Variants in PDCD11 observed in about 807,000 individuals in gnomAD.
The protein encoded by PDCD11 is protein RRP5 homolog.
Under a neutral mutation model 198.9 loss-of-function variants are expected in PDCD11, and 97 were observed. The ratio of observed to expected loss-of-function variants is 0.49; its 90% CI spans 0.41 to 0.58. PDCD11 has a LOEUF of 0.58. Among genes scored for constraint, PDCD11 ranks in the 20% least tolerant of loss-of-function variants. PDCD11 has a pLI of 0.00. For missense variants in PDCD11, 2,102 were observed against 2,312.7 expected, an observed-to-expected ratio of 0.91 and a Z score of 1.87; for synonymous variants, 893 against 918.0, an observed-to-expected ratio of 0.97 and a Z score of 0.49.
At chr10:103,422,953 G>A (rs373172098) in intron 17 of PDCD11, 35 bp from the exon 18 acceptor site, 95 of 1,420,608 alleles carry the variant, frequency 6.7e-5, no homozygotes, top group Non-Finnish European at 8.5e-5. Flanking sequence ...GTTCTTTCAT[G>A]GTACTAATCC....
intron 26 of PDCD11, 53 bp downstream of exon 26, chr10:103,438,124 A>C: frequency 6.9e-7 from 1 of 1,458,714 alleles, no homozygotes; most frequent in Admixed American, 1.7e-5. Context: ...CTCAGGATCA[A>C]GGGGAGGCTA....
At chr10:103,444,459 GT>G in intron 34 of PDCD11, 57 bp from the exon 35 acceptor site, 1 of 1,519,778 alleles carries the variant, frequency 6.6e-7, no homozygotes, top group Non-Finnish European at 9.1e-7. Context: ...GCGGAACACT[GT>G]GTTGTGGTGA....
At chr10:103,440,875 G>A in intron 30 of PDCD11, 25 bp downstream of exon 30, 1 of 1,525,736 alleles carries the variant, frequency 6.6e-7, no homozygotes, top group South Asian at 1.2e-5. Context: ...GCGGGGAGGG[G>A]AAGGCTGCTC....
intron 14 of PDCD11, among the ~76,000 whole-genome samples, chr10:103,418,191 A>G (rs2031219954): frequency 6.6e-6 from 1 of 152,066 alleles, no homozygotes; most frequent in Non-Finnish European, 1.5e-5. Context: ...GCCAGCCTGC[A>G]GTTCTGGCTT....
In PDCD11 at chr10:103,445,630, T is replaced by C. The variant is rs2032578770; in HGVS notation, c.*81T>C. On this transcript the variant is annotated 3_prime_UTR_variant, in exon 36 of 36. Coordinates refer to ENST00000369797, the MANE Select transcript of PDCD11 (RefSeq NM_014976.2). The stretch of plus-strand genomic sequence containing the variant: ...GAGTGCCTGGGCACTCGGAAAACTG[T>C]TACCTCAGGACTCTATTTAAATGCT... 5.1e-6 allele frequency: 6 copies of C among 1,183,940 alleles called. No individual in the cohort carries two copies. The highest frequency in any genetic ancestry group is 7.3e-6 in the Non-Finnish European group (6 of 821,610). 73.3% of individuals were successfully genotyped at this position (1,183,940 alleles called of 1,614,324 possible).
At chr10:103,418,320 A>T in intron 14 of PDCD11, 120 bp from the exon 15 acceptor site, 3 of 791,628 alleles carry the variant, frequency 3.8e-6, no homozygotes, top group East Asian at 2.6e-5. Context: ...GTTTGGAAGA[A>T]AGCTGCCTCT....
At chr10:103,405,898 A>G (rs750247112) in intron 5 of PDCD11, 87 bp from the exon 6 acceptor site, 21 of 1,410,554 alleles carry the variant, frequency 1.5e-5, no homozygotes, top group Admixed American at 1.2e-4. Flanking sequence ...GTGTGAGCTT[A>G]GTGGCAGGAA....
At position 103,439,803 on chromosome 10, in the gene PDCD11, G is replaced by A. The variant is rs1324890608; in HGVS notation, c.4083G>A (p.Pro1361=). 7.4e-6 allele frequency: 12 copies of A among 1,614,034 alleles called. No individual in the cohort carries two copies. The highest frequency in any genetic ancestry group is 6.6e-5 in the South Asian group (6 of 91,080). Residue 1361 remains proline (P), a synonymous_variant, in exon 28 of 36, where the codon CCG becomes CCA. Coordinates refer to ENST00000369797, the MANE Select transcript of PDCD11 (RefSeq NM_014976.2). The part of the protein sequence containing the change: ...ARYSHVSQHS[P]SKKALYNKHL... ...ACTCCCATGTCTCCCAGCACAGCCC[G>A]TCCAAGAAAGCCCTTTATAACAAAC...
intron 19 of PDCD11, among the ~76,000 whole-genome samples, chr10:103,424,347 T>C (rs1182837713): frequency 6.6e-6 from 1 of 152,242 alleles, no homozygotes; most frequent in Non-Finnish European, 1.5e-5. Context: ...AGTGTAGATA[T>C]AATCCTTAAT....
intron 11 of PDCD11, among the ~76,000 whole-genome samples, 170 bp from the exon 12 acceptor site, chr10:103,414,835 T>C (rs1564762703): frequency 6.6e-6 from 1 of 152,220 alleles, no homozygotes; most frequent in Admixed American, 6.5e-5. Flanking sequence ...GCTGACAGAA[T>C]AATCCAGCTC....
At position 103,442,442 on chromosome 10, in the gene PDCD11, T is replaced by G; in HGVS notation, c.4937T>G (p.Leu1646Arg). 1 of 1,613,872 alleles carries G rather than the reference T, an allele frequency of 6.2e-7. No individual in the cohort carries two copies. Among genetic ancestry groups the G allele is most frequent in the Non-Finnish European group, 8.5e-7 (1 of 1,179,932 alleles). ...GCCCGTGCCGTGGCTGAGAGGGCCC[T>G]TAAGACCATCTCCTTCAGGTCTCAG... Reference protein sequence around the residue: ...EKARAVAERALKTISFREEQE... With the variant: ...EKARAVAERARKTISFREEQE... Residue 1646 changes from leucine to arginine, a missense_variant, in exon 32 of 36, where the codon CTT (leucine) becomes CGT (arginine). Leu to Arg is a moderately radical substitution (Grantham distance 102). Transcript: ENST00000369797.
chr10:103,423,491 C>T (rs2031550504), intron 18 of PDCD11, 52 bp from the exon 19 acceptor site: 2 of 1,330,720 alleles, frequency 1.5e-6, no homozygotes, highest in Admixed American at 1.7e-5. Context: ...AGGTGCTGCT[C>T]TCCCTTCACT....
intron 1 of PDCD11, among the ~76,000 whole-genome samples, chr10:103,397,474 C>T (rs1424947661): frequency 6.6e-6 from 1 of 152,184 alleles, no homozygotes; most frequent in Non-Finnish European, 1.5e-5. Flanking sequence ...CTCACTTTGT[C>T]TCCCAGGTTG....
Position 103,439,733 on chromosome 10 carries a change from TC to T in PDCD11, c.4026-12del. 6.2e-7 allele frequency: 1 copy of T among 1,614,150 alleles called. No individual in the cohort carries two copies. The highest frequency in any genetic ancestry group is 8.5e-7 in the Non-Finnish European group (1 of 1,180,014). On this transcript the variant is annotated splice_polypyrimidine_tract_variant and intron_variant, in intron 27 of 35. Transcript: ENST00000369797. ...CATTTGTGACCACAGGACTCTTGCC[TC>T]TCTCCTTTCAGCCTTGGCCCCTCCG...
intron 2 of PDCD11, among the ~76,000 whole-genome samples, chr10:103,399,063 A>T (rs961109693): frequency 4.1e-5 from 6 of 146,558 alleles, no homozygotes; most frequent in Non-Finnish European, 7.5e-5. Context: ...GTTCTTAGAC[A>T]CTCTTTGCCA....
Position 103,445,515 on chromosome 10 carries a change from A to T in PDCD11, c.5582A>T (p.Tyr1861Phe), listed in dbSNP as rs779283364. 2 of 1,613,986 alleles carry T rather than the reference A, an allele frequency of 1.2e-6. No homozygotes were observed. The change falls in exon 36 of 36, where the codon TAT becomes TTT. Residue 1861 changes from tyrosine (Y) to phenylalanine (F), a missense_variant. Transcript: ENST00000369797. ...GCAGTCAAGGCCAAGGCCCTGGAGT[A>T]TGTGGAGGCCAAGAGCTCAGTGCTA... is the stretch of plus-strand genomic sequence containing the variant. ...VQAVKAKALE[Y>F]VEAKSSVLED
intron 7 of PDCD11, among the ~76,000 whole-genome samples, chr10:103,407,853 G>A (rs934954526): frequency 6.6e-6 from 1 of 151,936 alleles, no homozygotes; most frequent in African/African-American, 2.4e-5. Context: ...CGAGTAGCTG[G>A]GACTACAGGC....
In PDCD11 at chr10:103,441,852, G is replaced by T; in HGVS notation, c.4584G>T (p.Ala1528=). The T allele has an allele frequency of 3.7e-6, 6 of 1,614,132 alleles. No individual in the cohort carries two copies. Among genetic ancestry groups the T allele is most frequent in the Non-Finnish European group, 5.1e-6 (6 of 1,179,980 alleles). ...AGAAGCAAACCAAGCCAGCAGAAGC[G>T]CCCCGGCTGCAGCTGTCTTCAGGCT... ...PKEKQTKPAE[A]PRLQLSSGFA... The change falls in exon 31 of 36, where the codon GCG becomes GCT. Residue 1528 remains alanine (A), a synonymous_variant. Coordinates refer to ENST00000369797, the MANE Select transcript of PDCD11 (RefSeq NM_014976.2).
chr10:103,437,325 A>G (rs1382172513), intron 25 of PDCD11, among the ~76,000 whole-genome samples: 1 of 151,978 alleles, frequency 6.6e-6, no homozygotes, highest in Admixed American at 6.6e-5. Context: ...AAGTTTTTTT[A>G]TAGAGACAGG....
Sources: allele counts gnomAD v4.1 joint callset (sites outside exome capture counted in the v4.1 genomes callset), GRCh38; gene constraint gnomAD v4.1.1; transcripts MANE v1.5; gene names NCBI Gene and HGNC (gene_info 2026-07-23, HGNC 2026-07-21).